Variants in MEGF8 observed in about 807,000 individuals in gnomAD.
MEGF8 encodes the protein multiple EGF like domains 8.
Under a neutral mutation model 302.9 loss-of-function variants are expected in MEGF8, and 156 were observed. The observed-to-expected ratio is 0.52, with a 90% confidence interval of 0.45 to 0.59. The LOEUF is 0.59. Among genes scored for constraint, MEGF8 ranks in the 20% least tolerant of loss-of-function variants. The probability of loss-of-function intolerance (pLI) is 0.00; values close to 1 mark genes in which losing one functional copy is unlikely to be tolerated. For missense variants in MEGF8, 3,345 were observed against 3,964.5 expected (o/e 0.84, Z 4.20); for synonymous variants, 1,621 against 1,660.5 (o/e 0.98, Z 0.58).
At position 42,357,438 on chromosome 19, in the gene MEGF8, G is replaced by A. The variant is rs1386153968; in HGVS notation, c.4865G>A (p.Gly1622Asp). ...PQTVELPAVA[G>D]HTLTARRGLS... is the part of the protein sequence containing the mutation. ...ACCGTGGAGCTGCCAGCCGTTGCTG[G>A]TCACACCCTTACTGCCCGCCGAGGC... The change falls in exon 28 of 42, where the codon GGT becomes GAT. Residue 1622 changes from glycine to aspartate, a missense_variant. By Grantham distance (94) the Gly-to-Asp change is moderately conservative. Transcript: ENST00000251268. This position sits in a 1 kb window ranked among gnomAD's most constrained non-coding sequence, Gnocchi z 5.2. 2 of 1,613,716 alleles carry A rather than the reference G, an allele frequency of 1.2e-6. No individual in the cohort carries two copies. Among genetic ancestry groups the A allele is most frequent in the Admixed American group, 1.7e-5 (1 of 60,004 alleles).
At chr19:42,374,354 C>T (rs1056507151) in intron 41 of MEGF8, among the ~76,000 whole-genome samples, 1 of 151,670 alleles carries the variant, frequency 6.6e-6, no homozygotes, top group Non-Finnish European at 1.5e-5. Context: ...ACCTGTAATC[C>T]CAACTACTCG....
At chr19:42,371,088 G>A (rs957966843) in intron 40 of MEGF8, among the ~76,000 whole-genome samples, 3 of 151,988 alleles carry the variant, frequency 2.0e-5, no homozygotes, top group South Asian at 2.1e-4. Context: ...AAGATGGGGC[G>A]GCTGAGGGCA....
Position 42,349,662 on chromosome 19 carries a change from C to T in MEGF8, c.2462C>T (p.Thr821Ile). Residue 821 changes from threonine (T) to isoleucine (I), a missense_variant, in exon 14 of 42, where the codon ACT becomes ATT. Thr to Ile is a moderately conservative substitution (Grantham distance 89). Transcript: ENST00000251268. ...GCAGGCCCTGGGCACAGCGAGCTAA[C>T]TCTGCTGTGGGATCGGACTGGTGTG... Reference protein sequence around the residue: ...GSAGPGHSELTLLWDRTGVPG... With the variant: ...GSAGPGHSELILLWDRTGVPG... 1.2e-6 allele frequency: 2 copies of T among 1,612,232 alleles called. No homozygotes were observed. The highest frequency in any genetic ancestry group is 1.7e-6 in the Non-Finnish European group (2 of 1,179,840).
At position 42,353,383 on chromosome 19, in the gene MEGF8, G is replaced by A; in HGVS notation, c.3551-82G>A. On this transcript the variant is annotated intron_variant, in intron 20 of 41. Coordinates refer to ENST00000251268, the MANE Select transcript of MEGF8 (RefSeq NM_001271938.2). This position sits in a 1 kb window ranked among gnomAD's most constrained non-coding sequence, Gnocchi z 6.1. ...CTCACCTTTGAAGCGGCTGGGTGGG[G>A]TCAGGGTTTAGCTGAGCCAGTAGGC... is the stretch of plus-strand genomic sequence containing the variant. The A allele has an allele frequency of 1.4e-6, 2 of 1,474,342 alleles. No homozygotes were observed. Among genetic ancestry groups the A allele is most frequent in the Non-Finnish European group, 1.8e-6 (2 of 1,086,694 alleles). The allele number at this position is 1,474,342 out of a possible 1,614,324, so 91.3% of individuals were successfully genotyped here.
intron 8 of MEGF8, among the ~76,000 whole-genome samples, chr19:42,341,111 C>T (rs1483095024): frequency 2.0e-5 from 3 of 152,062 alleles, no homozygotes; most frequent in African/African-American, 7.2e-5. Flanking sequence ...GACCACAGGC[C>T]CATGCTACCC....
chr19:42,366,937 GC>G (rs967513212), intron 35 of MEGF8, among the ~76,000 whole-genome samples: 5 of 152,188 alleles, frequency 3.3e-5, no homozygotes, highest in Admixed American at 1.3e-4. Flanking sequence ...TGATTTGCAG[GC>G]CCCTCAGTGG....
At chr19:42,374,390 G>A (rs1190031200) in intron 41 of MEGF8, among the ~76,000 whole-genome samples, 1 of 149,826 alleles carries the variant, frequency 6.7e-6, no homozygotes, top group Non-Finnish European at 1.5e-5. Context: ...AGAATCGCTT[G>A]AACCCGGGAG....
intron 13 of MEGF8, 78 bp from the exon 14 acceptor site, chr19:42,349,421 G>A: frequency 7.7e-7 from 1 of 1,302,380 alleles, no homozygotes; most frequent in Non-Finnish European, 1.1e-6. Context: ...GTACAGGGTG[G>A]GTTTGGAGGT....
intron 12 of MEGF8, among the ~76,000 whole-genome samples, chr19:42,345,526 T>G (rs549262853): frequency 2.6e-4 from 39 of 152,366 alleles, no homozygotes; most frequent in African/African-American, 9.4e-4. Flanking sequence ...TTCATGTACA[T>G]GGAGGCCTGT....
At chr19:42,363,401 C>T in intron 35 of MEGF8, 139 bp downstream of exon 35, 1 of 735,282 alleles carries the variant, frequency 1.4e-6, no homozygotes, top group South Asian at 1.8e-5. Context: ...AGTCGTGCTT[C>T]CTTCTCGTGC....
rs966989993 is a variant in MEGF8, at chr19:42,353,323, G to A, written c.3551-142G>A. Reference sequence around the variant, plus strand: ...GGTTGGGCTTCAGTTCCCCCTCTTGGGACTTGCTGTTTCCCCTGATCTGGG... The same window carrying A: ...GGTTGGGCTTCAGTTCCCCCTCTTGAGACTTGCTGTTTCCCCTGATCTGGG... On this transcript the variant is annotated intron_variant, in intron 20 of 41. Transcript: ENST00000251268. The surrounding 1 kb of genome is among the most constrained non-coding windows in gnomAD (Gnocchi z 6.1). 7.2e-6 allele frequency: 8 copies of A among 1,110,636 alleles called. No individual in the cohort carries two copies. The highest frequency in any genetic ancestry group is 5.4e-5 in the Admixed American group (2 of 37,354). 68.8% of individuals were successfully genotyped at this position (1,110,636 alleles called of 1,614,324 possible). A position where few individuals can be genotyped will look rare whatever the true frequency, so the allele number is the denominator to read the frequency against.
intron 9 of MEGF8, 116 bp from the exon 10 acceptor site, chr19:42,343,838 A>C: frequency 2.8e-6 from 4 of 1,435,836 alleles, no homozygotes; most frequent in Non-Finnish European, 3.7e-6. Context: ...CATGCTGAGC[A>C]CTCAGGGTCC....
Position 42,334,102 on chromosome 19 carries a change from C to G in MEGF8, c.447C>G (p.His149Gln). ...FSLCPGGCQSHGQCQPPGVCA... is the reference protein window; with the variant it reads ...FSLCPGGCQSQGQCQPPGVCA... ...TGTGCCCGGGTGGCTGCCAGAGCCA[C>G]GGGCAGTGCCAGCCACCGGGTGTGT... The change falls in exon 3 of 42, where the codon CAC becomes CAG. Residue 149 changes from histidine to glutamine, a missense_variant. His to Gln is a conservative substitution (Grantham distance 24). Transcript: ENST00000251268. 1 of 1,613,228 alleles carries G rather than the reference C, an allele frequency of 6.2e-7. No homozygotes were observed. The highest frequency in any genetic ancestry group is 8.5e-7 in the Non-Finnish European group (1 of 1,179,824).
rs2039393906 is a variant in MEGF8 at position 42,352,666 on chromosome 19, C to T, written c.3350+210C>T. On this transcript the variant is annotated intron_variant, in intron 19 of 41. Transcript: ENST00000251268. The surrounding 1 kb of genome is among the most constrained non-coding windows in gnomAD (Gnocchi z 4.4). ...ACCATGGAAATGGGGCACCCATAGG[C>T]TGTGGGCCATAGTCTTCAGCGTTGC... 1.4e-6 allele frequency: 1 copy of T among 702,572 alleles called. No individual in the cohort carries two copies. Among genetic ancestry groups the T allele is most frequent in the East Asian group, 2.7e-5 (1 of 36,702 alleles). The allele number at this position is 702,572 out of a possible 1,614,324, so 43.5% of individuals were successfully genotyped here.
intron 32 of MEGF8, among the ~76,000 whole-genome samples, chr19:42,361,565 G>T (rs983069037): frequency 6.6e-6 from 1 of 152,196 alleles, no homozygotes; most frequent in Non-Finnish European, 1.5e-5. Context: ...GACCCCACTG[G>T]AGGTATTGTG....
At chr19:42,355,561 T>C (rs2039439103) in intron 23 of MEGF8, among the ~76,000 whole-genome samples, 197 bp from the exon 24 acceptor site, 1 of 151,920 alleles carries the variant, frequency 6.6e-6, no homozygotes, top group Non-Finnish European at 1.5e-5. Flanking sequence ...TAGCAGTCGG[T>C]GAGAGATTTA....
rs763205261 is a variant in MEGF8, at chr19:42,353,447, C to A, written c.3551-18C>A. Reference sequence around the variant, plus strand: ...CACCCTTGACTTGACTCTGTCCCACCTGCTGGGGCCTCCACAGACTGGACA... The same window carrying A: ...CACCCTTGACTTGACTCTGTCCCACATGCTGGGGCCTCCACAGACTGGACA... On this transcript the variant is annotated intron_variant, in intron 20 of 41. Coordinates refer to ENST00000251268, the MANE Select transcript of MEGF8 (RefSeq NM_001271938.2). This position sits in a 1 kb window ranked among gnomAD's most constrained non-coding sequence, Gnocchi z 6.1. 2 of 1,607,926 alleles carry A rather than the reference C, an allele frequency of 1.2e-6. No homozygotes were observed. Among genetic ancestry groups the A allele is most frequent in the South Asian group, 1.1e-5 (1 of 90,220 alleles).
Position 42,333,718 on chromosome 19 carries a change from A to G in MEGF8, c.301A>G (p.Ser101Gly). Residue 101 changes from serine to glycine, a missense_variant, in exon 2 of 42, where the codon AGT becomes GGT. Transcript: ENST00000251268. ...GDSPRGPLLASLSGSTRPPPI... is the reference protein window; with the variant it reads ...GDSPRGPLLAGLSGSTRPPPI... ...CTCCCCGCGAGGGCCGCTGCTTGCCAGTCTAAGTGGGAGCACCCGACCTCC... is the reference window on the plus strand; with the variant it reads ...CTCCCCGCGAGGGCCGCTGCTTGCCGGTCTAAGTGGGAGCACCCGACCTCC... 1 of 1,613,984 alleles carries G rather than the reference A, an allele frequency of 6.2e-7. No individual in the cohort carries two copies. The highest frequency in any genetic ancestry group is 8.5e-7 in the Non-Finnish European group (1 of 1,179,890).
In MEGF8 at chr19:42,360,879, G is replaced by A; in HGVS notation, c.5593G>A (p.Gly1865Ser). ...ISGGFGGVAL[G>S]RLLALTLPPD... The stretch of plus-strand genomic sequence containing the variant: ...TGGGGGTTTCGGGGGAGTGGCCCTG[G>A]GCCGCCTGCTGGCACTGACCCTGCC... Residue 1865 changes from glycine to serine, a missense_variant, in exon 32 of 42, where the codon GGC becomes AGC. Gly to Ser is a moderately conservative substitution (Grantham distance 56). Coordinates refer to ENST00000251268, the MANE Select transcript of MEGF8 (RefSeq NM_001271938.2). 6.2e-7 allele frequency: 1 copy of A among 1,613,484 alleles called. No homozygotes were observed. Among genetic ancestry groups the A allele is most frequent in the Non-Finnish European group, 8.5e-7 (1 of 1,179,876 alleles).
Sources: allele counts gnomAD v4.1 joint callset (sites outside exome capture counted in the v4.1 genomes callset), GRCh38; gene constraint gnomAD v4.1.1; non-coding constraint Gnocchi (gnomAD v3.1); transcripts MANE v1.5; gene names NCBI Gene and HGNC (gene_info 2026-07-23, HGNC 2026-07-21).